SLC26A2: variants seen among roughly 807,000 people sequenced by gnomAD.
SLC26A2 encodes the protein sulfate transporter.
In SLC26A2, 36 loss-of-function variants were observed where a neutral mutation model predicts 41.1. That is an observed-to-expected ratio of 0.88 (90% confidence interval 0.67 to 1.16). SLC26A2 has a LOEUF of 1.16. Among genes scored for constraint, SLC26A2 ranks in the 50% most tolerant of loss-of-function variants. SLC26A2 has a pLI of 0.00. For missense variants in SLC26A2, 796 were observed against 869.6 expected, an observed-to-expected ratio of 0.92 and a Z score of 1.07; for synonymous variants, 291 against 311.6, an observed-to-expected ratio of 0.93 and a Z score of 0.70.
chr5:149,967,793 G>C (rs1204128021), intron 1 of SLC26A2, among the ~76,000 whole-genome samples: 4 of 151,554 alleles, frequency 2.6e-5, no homozygotes, highest in Non-Finnish European at 5.9e-5. Context: ...TCTGTCACCT[G>C]GGCTAGAGTG....
intron 1 of SLC26A2, among the ~76,000 whole-genome samples, chr5:149,970,937 T>C (rs1220073825): frequency 6.6e-6 from 1 of 152,234 alleles, no homozygotes; most frequent in Non-Finnish European, 1.5e-5. Flanking sequence ...GGTTAGCTTA[T>C]AGTAGGAGCT....
At position 149,968,705 on chromosome 5, in the gene SLC26A2, C is replaced by G. The variant is rs564783921; in HGVS notation, c.-26+7726C>G. Reference sequence around the variant, plus strand: ...AAAGTGCTGGGATTACAGGCGTGAGCTACCGTGCCCGGCCTCAACTGTCTT... The same window carrying G: ...AAAGTGCTGGGATTACAGGCGTGAGGTACCGTGCCCGGCCTCAACTGTCTT... On this transcript the variant is annotated intron_variant, in intron 1 of 2. Transcript: ENST00000286298. Among the ~76,000 whole-genome samples the G allele has an allele frequency of 5.1e-4, 77 of 151,274 alleles. 1 individual carries two copies. In the South Asian group the frequency reaches 5.7e-3, roughly 11 times the overall value.
chr5:149,981,190 G>T lies in SLC26A2; in HGVS notation c.1597G>T (p.Val533Phe). 1 of 1,614,142 alleles carries T rather than the reference G, an allele frequency of 6.2e-7. No individual in the cohort carries two copies. The highest frequency in any genetic ancestry group is 8.5e-7 in the Non-Finnish European group (1 of 1,180,008). Residue 533 changes from valine (V) to phenylalanine (F), a missense_variant, in exon 3 of 3, where the codon GTT becomes TTT. Coordinates refer to ENST00000286298, the MANE Select transcript of SLC26A2 (RefSeq NM_000112.4). ...GCTAAGTACTGAAATAGGCCTACTT[G>T]TTGGGGTTTGTTTTTCTATATTTTG... ...ALLSTEIGLL[V>F]GVCFSIFCVI... is the part of the protein sequence containing the mutation.
At position 149,978,365 on chromosome 5, in the gene SLC26A2, A is replaced by G; in HGVS notation, c.699+14A>G. ...GGAGTTTATCAGGTAAGCAGCAATG[A>G]AACAATTGGTTATTTCTAGAAAAGT... On this transcript the variant is annotated intron_variant, in intron 2 of 2. Transcript: ENST00000286298. 2 of 1,589,828 alleles carry G rather than the reference A, an allele frequency of 1.3e-6. No individual in the cohort carries two copies. The highest frequency in any genetic ancestry group is 1.7e-6 in the Non-Finnish European group (2 of 1,162,580).
At chr5:149,961,807 T>G (rs1450686193) in intron 1 of SLC26A2, among the ~76,000 whole-genome samples, 1 of 151,444 alleles carries the variant, frequency 6.6e-6, no homozygotes, top group Non-Finnish European at 1.5e-5. Context: ...CAATAAGAAA[T>G]GGAGGGCCAA....
At position 149,982,088 on chromosome 5, in the gene SLC26A2, A is replaced by G; in HGVS notation, c.*275A>G. ...AAGTATGTATTGAACTGTACTGTAA[A>G]GTAGCTCCAAAACTTAATTACTCTC... On this transcript the variant is annotated 3_prime_UTR_variant, in exon 3 of 3. Coordinates refer to ENST00000286298, the MANE Select transcript of SLC26A2 (RefSeq NM_000112.4). 2.7e-6 allele frequency: 1 copy of G among 368,664 alleles called. No homozygotes were observed. The allele number at this position is 368,664 out of a possible 1,614,324, so 22.8% of individuals were successfully genotyped here.
At chr5:149,969,011 G>C (rs1182856897) in intron 1 of SLC26A2, among the ~76,000 whole-genome samples, 1 of 151,942 alleles carries the variant, frequency 6.6e-6, no homozygotes, top group Non-Finnish European at 1.5e-5. Context: ...CAAAGTGCTG[G>C]GATTACACGT....
chr5:149,982,569 C>G lies in SLC26A2; in HGVS notation c.*756C>G, dbSNP rs1755128926. 1 of 152,170 alleles carries G rather than the reference C, an allele frequency of 6.6e-6. No homozygotes were observed. The highest frequency in any genetic ancestry group is 2.4e-5 in the African/African-American group (1 of 41,444). The allele number at this position is 152,170 out of a possible 1,614,324, so 9.4% of individuals were successfully genotyped here. On this transcript the variant is annotated 3_prime_UTR_variant, in exon 3 of 3. Transcript: ENST00000286298. ...AAAAACAATAGGAGTCCTTCCTTGT[C>G]TTTTCTGTGATCTCTGTCCTTGTTT... is the stretch of plus-strand genomic sequence containing the variant.
rs1755073343 is a variant in SLC26A2 at position 149,980,430 on chromosome 5, G to T, written c.837G>T (p.Arg279=). Residue 279 remains arginine, a synonymous_variant, in exon 3 of 3, where the codon CGG becomes CGT. Coordinates refer to ENST00000286298, the MANE Select transcript of SLC26A2 (RefSeq NM_000112.4). The stretch of plus-strand genomic sequence containing the variant: ...ATCTTCTTGGGCTCAACCTTCCTCG[G>T]ACTAATGGTGTGGGCTCACTCATCA... ...AKYLLGLNLP[R]TNGVGSLITT... 2.5e-6 allele frequency: 4 copies of T among 1,613,944 alleles called. No individual in the cohort carries two copies. The highest frequency in any genetic ancestry group is 3.4e-6 in the Non-Finnish European group (4 of 1,179,996).
At position 149,985,543 on chromosome 5, in the gene SLC26A2, T is replaced by G. The variant is rs1170542169; in HGVS notation, c.*3730T>G. 5 of 152,182 alleles carry G rather than the reference T, an allele frequency of 3.3e-5. No homozygotes were observed. Among genetic ancestry groups the G allele is most frequent in the African/African-American group, 1.2e-4 (5 of 41,436 alleles). 9.4% of individuals were successfully genotyped at this position (152,182 alleles called of 1,614,324 possible). ...GCAATATTCCCATTGACCACTTAAA[T>G]GACCATAAGTGGTCATTTAAGAACA... is the stretch of plus-strand genomic sequence containing the variant. On this transcript the variant is annotated 3_prime_UTR_variant, in exon 3 of 3. Transcript: ENST00000286298.
chr5:149,969,646 G>A (rs1754867419), intron 1 of SLC26A2, among the ~76,000 whole-genome samples: 1 of 152,162 alleles, frequency 6.6e-6, no homozygotes, highest in South Asian at 2.1e-4. Flanking sequence ...TGCCTTGGAA[G>A]TTAGGCCTTT....
intron 1 of SLC26A2, among the ~76,000 whole-genome samples, chr5:149,966,250 G>T (rs1581225893): frequency 6.6e-6 from 1 of 152,118 alleles, no homozygotes; most frequent in Non-Finnish European, 1.5e-5. Flanking sequence ...TGGATTTCTT[G>T]ATCTCTGTCT....
At chr5:149,964,841 AG>A (rs1292948105) in intron 1 of SLC26A2, among the ~76,000 whole-genome samples, 1 of 152,208 alleles carries the variant, frequency 6.6e-6, no homozygotes, top group Non-Finnish European at 1.5e-5. Context: ...ACCATTATAC[AG>A]GAACTGTGTA....
chr5:149,975,140 G>GT (rs769037975), intron 1 of SLC26A2, among the ~76,000 whole-genome samples: 22 of 152,076 alleles, frequency 1.4e-4, no homozygotes, highest in Non-Finnish European at 2.9e-4. Context: ...TGATATTGGG[G>GT]GTTTTTTGTT....
chr5:149,978,634 A>G (rs1039240932), intron 2 of SLC26A2, among the ~76,000 whole-genome samples: 14 of 151,844 alleles, frequency 9.2e-5, no homozygotes, highest in African/African-American at 3.4e-4. Flanking sequence ...TGGCAGAGTC[A>G]GCATTAGCAG....
intron 1 of SLC26A2, among the ~76,000 whole-genome samples, chr5:149,968,353 G>T (rs1754841749): frequency 2.0e-5 from 3 of 151,962 alleles, no homozygotes; most frequent in Admixed American, 2.0e-4. Context: ...CACAGTGTTG[G>T]CACCATTTTA....
rs953128542 is a variant in SLC26A2 at position 149,983,541 on chromosome 5, T to G, written c.*1728T>G. 7.2e-5 allele frequency: 11 copies of G among 152,194 alleles called. No individual in the cohort carries two copies. The highest frequency in any genetic ancestry group is 1.5e-4 in the Non-Finnish European group (10 of 68,038). 9.4% of individuals were successfully genotyped at this position (152,194 alleles called of 1,614,324 possible). A position where few individuals can be genotyped will look rare whatever the true frequency, so the allele number is the denominator to read the frequency against. The stretch of plus-strand genomic sequence containing the variant: ...CAGTATTTGCCCTTTCTATCCAGCC[T>G]TATGAATAATAGCAGTAAAATCACA... On this transcript the variant is annotated 3_prime_UTR_variant, in exon 3 of 3. Transcript: ENST00000286298.
In SLC26A2 at chr5:149,972,465, A is replaced by C. The variant is rs550717198; in HGVS notation, c.-25-5163A>C. Among the ~76,000 whole-genome samples, 10 of 152,316 alleles carry C rather than the reference A, an allele frequency of 6.6e-5. No homozygotes were observed. The East Asian group carries it at 1.5e-3, about 24-fold the overall frequency. On this transcript the variant is annotated intron_variant, in intron 1 of 2. Coordinates refer to ENST00000286298, the MANE Select transcript of SLC26A2 (RefSeq NM_000112.4). ...TGTGTAGCAGCTAGGTGAAACTGGA[A>C]TGTGTAGAGTAGCTGAATTTTAAGG... is the stretch of plus-strand genomic sequence containing the variant.
Position 149,972,875 on chromosome 5 carries a change from CTTGAG to C in SLC26A2, c.-25-4747_-25-4743del, listed in dbSNP as rs147189124. ...GTTTTATCTTCCTTTTCTACTTTCT[CTTGAG>C]TTGAGAGTTTTTTTATGATTCTATT... On this transcript the variant is annotated intron_variant, in intron 1 of 2. Coordinates refer to ENST00000286298, the MANE Select transcript of SLC26A2 (RefSeq NM_000112.4). Among the ~76,000 whole-genome samples the C allele has an allele frequency of 1.9e-3, 286 of 152,256 alleles. 8 individuals are homozygous for C. The East Asian group carries it at 0.049, about 26-fold the overall frequency.
Sources: allele counts gnomAD v4.1 joint callset (sites outside exome capture counted in the v4.1 genomes callset), GRCh38; gene constraint gnomAD v4.1.1; transcripts MANE v1.5; gene names NCBI Gene and HGNC (gene_info 2026-07-23, HGNC 2026-07-21).